The following NBEA variants were observed in gnomAD, a reference collection of about 807,000 sequenced individuals.
NBEA encodes the protein neurobeachin.
In NBEA, 44 loss-of-function variants were observed where a neutral mutation model predicts 343.4. The observed-to-expected ratio is 0.13, with a 90% confidence interval of 0.10 to 0.16. The LOEUF is 0.16. NBEA is among the 10% of genes least tolerant of loss of function. The probability of loss-of-function intolerance (pLI) is 1.00; values close to 1 mark genes in which losing one functional copy is unlikely to be tolerated. For synonymous variants in NBEA, 1,175 were observed against 1,238.7 expected (o/e 0.95, Z 1.08); for missense variants, 2,555 against 3,631.3 (o/e 0.70, Z 7.62).
At chr13:35,393,845 A>C (rs1222242062) in intron 38 of NBEA, among the ~76,000 whole-genome samples, 1 of 152,110 alleles carries the variant, frequency 6.6e-6, no homozygotes, top group Non-Finnish European at 1.5e-5. Flanking sequence ...ACCTAGGCTT[A>C]AGTTATGTAC....
At chr13:35,171,512 G>C in intron 26 of NBEA, 60 bp downstream of exon 26, 4 of 1,349,028 alleles carry the variant, frequency 3.0e-6, no homozygotes, top group Non-Finnish European at 4.1e-6. Context: ...GCTTTATAAA[G>C]CACTATGGTA....
chr13:35,251,591 C>T, intron 34 of NBEA: 1 of 1,221,632 alleles, frequency 8.2e-7, no homozygotes, highest in Non-Finnish European at 1.0e-6. Context: ...GCAGTGGAAG[C>T]CAAACAGGTA....
chr13:35,025,543 A>G (rs1043165650), intron 1 of NBEA, among the ~76,000 whole-genome samples: 7 of 151,934 alleles, frequency 4.6e-5, no homozygotes, highest in African/African-American at 1.7e-4. Context: ...TTTTTGTATG[A>G]GTACCTGGTT....
At chr13:35,381,758 G>T (rs1377800634) in intron 38 of NBEA, among the ~76,000 whole-genome samples, 3 of 151,886 alleles carry the variant, frequency 2.0e-5, no homozygotes, top group Non-Finnish European at 2.9e-5. Flanking sequence ...ACCTGCCTTT[G>T]GTGATAATAA....
intron 30 of NBEA, among the ~76,000 whole-genome samples, chr13:35,191,602 TATTTA>T (rs1336342304): frequency 5.3e-5 from 8 of 152,052 alleles, no homozygotes; most frequent in African/African-American, 1.7e-4. Flanking sequence ...GGAGTTAAGA[TATTTA>T]ATTAATTTTG....
chr13:35,515,115 C>T (rs920849458), intron 41 of NBEA, among the ~76,000 whole-genome samples: 3 of 152,016 alleles, frequency 2.0e-5, no homozygotes, highest in Admixed American at 6.5e-5. Flanking sequence ...TGAGTGAAGA[C>T]GAATCTGTAA....
intron 34 of NBEA, among the ~76,000 whole-genome samples, chr13:35,261,561 A>G (rs980729599): frequency 3.3e-5 from 5 of 152,088 alleles, no homozygotes; most frequent in East Asian, 1.9e-4. Context: ...GAATTGGACA[A>G]TGTAAAAAAG....
At position 35,646,296 on chromosome 13, in the gene NBEA, C is replaced by T. The variant is rs2084230472; in HGVS notation, c.7718C>T (p.Pro2573Leu). The part of the protein sequence containing the change: ...EAQIQNFGQT[P>L]SQLLIEPHPP... The stretch of plus-strand genomic sequence containing the variant: ...CAGATACAGAACTTTGGACAGACGC[C>T]ATCTCAGTTGCTTATTGAGCCACAT... The change falls in exon 51 of 59, where the codon CCA becomes CTA. Residue 2573 changes from proline (P) to leucine (L), a missense_variant. Physicochemically the swap from Pro to Leu is moderately conservative, Grantham distance 98 (BLOSUM62 -3). Coordinates refer to ENST00000379939, the MANE Select transcript of NBEA (RefSeq NM_001385012.1). 6.2e-7 allele frequency: 1 copy of T among 1,613,818 alleles called. No homozygotes were observed. The highest frequency in any genetic ancestry group is 1.1e-5 in the South Asian group (1 of 91,000).
intron 41 of NBEA, among the ~76,000 whole-genome samples, chr13:35,480,922 G>A (rs908698959): frequency 2.2e-4 from 34 of 151,798 alleles, no homozygotes; most frequent in African/African-American, 8.2e-4. Context: ...AACCTTTCAA[G>A]GTTTCAGTGA....
At chr13:35,542,663 C>A (rs966642433) in intron 41 of NBEA, among the ~76,000 whole-genome samples, 4 of 151,966 alleles carry the variant, frequency 2.6e-5, no homozygotes, top group Non-Finnish European at 5.9e-5. Flanking sequence ...AAGCTCTATA[C>A]CACATTGCAC....
At chr13:34,965,386 G>C (rs1358441941) in intron 1 of NBEA, among the ~76,000 whole-genome samples, 1 of 151,888 alleles carries the variant, frequency 6.6e-6, no homozygotes. Context: ...GTGTGTATTA[G>C]ATACCACAGT....
At chr13:35,534,691 A>G (rs2078441686) in intron 41 of NBEA, among the ~76,000 whole-genome samples, 1 of 152,204 alleles carries the variant, frequency 6.6e-6, no homozygotes, top group Non-Finnish European at 1.5e-5. Context: ...AAATAGAATC[A>G]TCCTATCAAT....
chr13:35,378,988 T>C (rs1282595541), intron 38 of NBEA, among the ~76,000 whole-genome samples: 1 of 152,184 alleles, frequency 6.6e-6, no homozygotes, highest in Non-Finnish European at 1.5e-5. Context: ...CTCATTGCTA[T>C]ATAGTAGTCC....
intron 6 of NBEA, among the ~76,000 whole-genome samples, chr13:35,054,324 ATT>A (rs1388428983): frequency 2.0e-5 from 3 of 152,064 alleles, no homozygotes; most frequent in African/African-American, 7.2e-5. Context: ...TTTTCCTTAA[ATT>A]TATTTGACAC....
At chr13:34,992,767 G>T (rs1035611845) in intron 1 of NBEA, among the ~76,000 whole-genome samples, 33 of 151,358 alleles carry the variant, frequency 2.2e-4, no homozygotes, top group African/African-American at 8.0e-4. Context: ...CCGACTCCCA[G>T]ATTCACACCA....
intron 41 of NBEA, among the ~76,000 whole-genome samples, chr13:35,477,716 T>G (rs2075939569): frequency 6.6e-6 from 1 of 152,232 alleles, no homozygotes; most frequent in Non-Finnish European, 1.5e-5. Flanking sequence ...AGTAGACTTC[T>G]AATTTTATAC....
intron 36 of NBEA, among the ~76,000 whole-genome samples, chr13:35,330,361 C>G (rs1194333366): frequency 6.6e-6 from 1 of 151,962 alleles, no homozygotes; most frequent in African/African-American, 2.4e-5. Context: ...GGCACTTTAG[C>G]TGGATTTTGA....
rs1227612014 is a variant in NBEA, at chr13:35,118,585, A to G, written c.2243+111A>G. On this transcript the variant is annotated intron_variant, in intron 16 of 58. Transcript: ENST00000379939. ...GAATAAATATAGCAAAGTCTTGCAC[A>G]TAAGAGAATAAATGGAGAATGCTGC... is the stretch of plus-strand genomic sequence containing the variant. The G allele has an allele frequency of 2.7e-5, 21 of 787,922 alleles. No homozygotes were observed. The South Asian group carries it at 4.0e-4, about 15-fold the overall frequency. The allele number at this position is 787,922 out of a possible 1,614,324, so 48.8% of individuals were successfully genotyped here. A position where few individuals can be genotyped will look rare whatever the true frequency, so the allele number is the denominator to read the frequency against.
intron 34 of NBEA, among the ~76,000 whole-genome samples, chr13:35,247,391 C>T (rs2031368256): frequency 6.6e-6 from 1 of 152,152 alleles, no homozygotes; most frequent in African/African-American, 2.4e-5. Context: ...GCAGCCCTCC[C>T]CAAAGACCCC....
Sources: gnomAD v4.1 joint callset for allele counts (sites outside exome capture counted in the v4.1 genomes callset) on GRCh38, gnomAD v4.1.1 for gene constraint, MANE v1.5 for transcripts, NCBI Gene and HGNC (gene_info 2026-07-23, HGNC 2026-07-21) for gene names.